MAGI1: variants seen among roughly 807,000 people sequenced by gnomAD.
MAGI1 encodes the protein membrane associated guanylate kinase, WW and PDZ domain containing 1, also known as membrane-associated guanylate kinase, WW and PDZ domain-containing protein 1.
A neutral mutation model predicts 139.9 loss-of-function variants in MAGI1; 58 were observed. The observed-to-expected ratio is 0.41, with a 90% confidence interval of 0.34 to 0.52. The LOEUF (loss-of-function observed/expected upper bound fraction) is 0.52, where lower values mean the gene tolerates loss of function less well. MAGI1 is among the 20% of genes least tolerant of loss of function. The probability of loss-of-function intolerance (pLI) is 0.12; values close to 1 mark genes in which losing one functional copy is unlikely to be tolerated. For synonymous variants in MAGI1, 812 were observed against 737.9 expected (o/e 1.10, Z -1.63); for missense variants, 1,874 against 1,901.6 (o/e 0.99, Z 0.27).
chr3:65,435,116 C>T (rs1276176660), intron 10 of MAGI1, among the ~76,000 whole-genome samples: 6 of 152,180 alleles, frequency 3.9e-5, no homozygotes, highest in African/African-American at 1.4e-4. Context: ...TCCCAGTCTC[C>T]AGAACTGATA....
At chr3:65,652,061 T>C (rs966710829) in intron 1 of MAGI1, among the ~76,000 whole-genome samples, 7 of 152,194 alleles carry the variant, frequency 4.6e-5, no homozygotes, top group East Asian at 3.8e-4. Context: ...ATTATTTATA[T>C]ACATGCAATC....
chr3:65,585,522 G>A (rs2081629453), intron 2 of MAGI1, among the ~76,000 whole-genome samples: 2 of 152,134 alleles, frequency 1.3e-5, no homozygotes, highest in Non-Finnish European at 2.9e-5. Flanking sequence ...TAATACCAAG[G>A]GCAGGTGAAG....
chr3:65,366,784 G>C (rs1941456545), intron 18 of MAGI1, among the ~76,000 whole-genome samples: 1 of 152,158 alleles, frequency 6.6e-6, no homozygotes, highest in African/African-American at 2.4e-5. Context: ...GAAGTGATTA[G>C]CATATTTTTG....
At chr3:65,712,880 T>A (rs1034562835) in intron 1 of MAGI1, among the ~76,000 whole-genome samples, 1 of 152,184 alleles carries the variant, frequency 6.6e-6, no homozygotes, top group Non-Finnish European at 1.5e-5. Context: ...TTCTAGGAAT[T>A]TTCTACAAAT....
intron 12 of MAGI1, among the ~76,000 whole-genome samples, chr3:65,421,259 C>G (rs901318911): frequency 6.6e-6 from 1 of 152,072 alleles, no homozygotes; most frequent in Non-Finnish European, 1.5e-5. Flanking sequence ...TGAATAAAGG[C>G]CAGAAGGCTC....
At chr3:65,823,091 A>T (rs2042034483) in intron 1 of MAGI1, among the ~76,000 whole-genome samples, 1 of 152,218 alleles carries the variant, frequency 6.6e-6, no homozygotes, top group Non-Finnish European at 1.5e-5. Flanking sequence ...TTACAGCTAA[A>T]TTTTTTAACT....
At chr3:65,451,110 C>G (rs1189952388) in intron 6 of MAGI1, among the ~76,000 whole-genome samples, 1 of 152,028 alleles carries the variant, frequency 6.6e-6, no homozygotes, top group Middle Eastern at 3.2e-3. Context: ...AAGGAAATAA[C>G]ATTAACACAA....
intron 2 of MAGI1, chr3:65,549,609 A>ACTC (rs1360342594): frequency 2.8e-6 from 1 of 354,970 alleles, no homozygotes. Context: ...CGCTATTCAC[A>ACTC]CTCCGGGCTG....
chr3:65,928,806 CT>C (rs2062651202), intron 1 of MAGI1, among the ~76,000 whole-genome samples: 1 of 152,010 alleles, frequency 6.6e-6, no homozygotes. Flanking sequence ...AAAACCACAC[CT>C]TGCAGGGTGC....
intron 1 of MAGI1, among the ~76,000 whole-genome samples, chr3:65,921,342 C>G (rs1014375019): frequency 2.7e-5 from 4 of 149,472 alleles, no homozygotes; most frequent in Admixed American, 6.7e-5. Flanking sequence ...GGGTCTCACT[C>G]TGCTGCCCAG....
intron 1 of MAGI1, among the ~76,000 whole-genome samples, chr3:65,965,070 T>C (rs181256517): frequency 1.3e-5 from 2 of 152,346 alleles, no homozygotes; most frequent in East Asian, 3.9e-4. Flanking sequence ...CAGAATCTAC[T>C]GCATATATTT....
intron 1 of MAGI1, among the ~76,000 whole-genome samples, chr3:65,754,297 C>T (rs1310152054): frequency 2.0e-5 from 3 of 152,090 alleles, no homozygotes; most frequent in Non-Finnish European, 4.4e-5. Context: ...TAATTTCCAT[C>T]CTCATTCAAG....
intron 1 of MAGI1, among the ~76,000 whole-genome samples, chr3:65,866,274 T>A (rs1324898026): frequency 6.6e-6 from 1 of 151,336 alleles, no homozygotes; most frequent in African/African-American, 2.4e-5. Flanking sequence ...AGTACAGTGG[T>A]GTGATCATGG....
At chr3:65,806,910 A>G (rs1486271087) in intron 1 of MAGI1, among the ~76,000 whole-genome samples, 3 of 152,160 alleles carry the variant, frequency 2.0e-5, no homozygotes, top group African/African-American at 4.8e-5. Context: ...TTTGAGAACT[A>G]CTGATTTATA....
intron 2 of MAGI1, chr3:65,532,747 C>T (rs950945824): frequency 6.6e-6 from 1 of 152,206 alleles, no homozygotes; most frequent in African/African-American, 2.4e-5. Flanking sequence ...CTCTAGGTTA[C>T]TTACCTTGGA....
intron 5 of MAGI1, among the ~76,000 whole-genome samples, chr3:65,457,749 G>A (rs887010178): frequency 3.3e-5 from 5 of 152,034 alleles, no homozygotes; most frequent in African/African-American, 1.2e-4. Context: ...GATCACATCA[G>A]GGTAAATGAA....
At chr3:65,951,017 AAGGAAGGAAGGAAGGAAGGAAAGGAG>A (rs2063824814) in intron 1 of MAGI1, among the ~76,000 whole-genome samples, 20 of 89,478 alleles carry the variant, frequency 2.2e-4, no homozygotes, top group Non-Finnish European at 8.0e-5. Flanking sequence ...GGAAGGAAGG[AAGGAAGGAAGGAAGGAAGGAAAGGAG>A]GGAGGGAGGG....
At position 65,439,837 on chromosome 3, in the gene MAGI1, T is replaced by G. The variant is rs200380662; in HGVS notation, c.1270+42A>C. ...GTGTCAGCGCTCAGATTTCACCCCA[T>G]GCTCCCCTGATCAAGAAAAAGCCTA... On this transcript the variant is annotated intron_variant, in intron 9 of 22. Transcript: ENST00000402939. 8.6e-4 allele frequency: 1,375 copies of G among 1,605,176 alleles called. 7 individuals carry two copies. The highest frequency in any genetic ancestry group is 3.9e-4 in the Non-Finnish European group (458 of 1,179,868).
Position 65,478,288 on chromosome 3 carries a change from T to C in MAGI1, c.757+304A>G, listed in dbSNP as rs116612915. Among the ~76,000 whole-genome samples the C allele has an allele frequency of 8.4e-3, 1,283 of 152,258 alleles. 4 individuals are homozygous for C. Among genetic ancestry groups the C allele is most frequent in the Non-Finnish European group, 0.014 (970 of 68,018 alleles). On this transcript the variant is annotated intron_variant, in intron 4 of 22. Transcript: ENST00000402939. Reference sequence around the variant, plus strand: ...AAAATCAATGAACAAAATACAGATATTTATATACATATATCATTTTGAAGA... The same window carrying C: ...AAAATCAATGAACAAAATACAGATACTTATATACATATATCATTTTGAAGA...
Sources: gnomAD v4.1 joint callset for allele counts (sites outside exome capture counted in the v4.1 genomes callset) on GRCh38, gnomAD v4.1.1 for gene constraint, MANE v1.5 for transcripts, NCBI Gene and HGNC (gene_info 2026-07-23, HGNC 2026-07-21) for gene names.